Variants in TCF12 observed in about 807,000 individuals in gnomAD.
The protein encoded by TCF12 is DNA-binding protein HTF4.
TCF12 carries 45 observed loss-of-function variants against 86.0 expected under a neutral mutation model. That is an observed-to-expected ratio of 0.52 (90% confidence interval 0.41 to 0.67). TCF12 has a LOEUF of 0.67. TCF12 is among the 30% of genes least tolerant of loss of function. The pLI, the probability that TCF12 is intolerant of heterozygous loss-of-function variation, is 0.00. For synonymous variants in TCF12, 330 were observed against 299.6 expected (o/e 1.10, Z -1.05); for missense variants, 881 against 859.9 (o/e 1.02, Z -0.31).
At position 57,167,154 on chromosome 15, in the gene TCF12, GT is replaced by G. The variant is rs1567551220; in HGVS notation, c.390+692del. Among the ~76,000 whole-genome samples the G allele has an allele frequency of 2.6e-5, 4 of 152,316 alleles. No individual in the cohort carries two copies. The East Asian group carries it at 5.8e-4, about 22-fold the overall frequency. ...ATTTCAGGCATGGGCATGTGAGCCG[GT>G]TTTAACTGCCATGCTAATAATACTC... On this transcript the variant is annotated intron_variant, in intron 6 of 20. Coordinates refer to ENST00000333725, the MANE Select transcript of TCF12 (RefSeq NM_207037.2).
intron 3 of TCF12, among the ~76,000 whole-genome samples, chr15:57,054,276 T>C (rs1466187675): frequency 6.6e-6 from 1 of 152,200 alleles, no homozygotes; most frequent in Non-Finnish European, 1.5e-5. Context: ...TGTTTTTAAA[T>C]AGCAAATTGT....
intron 3 of TCF12, among the ~76,000 whole-genome samples, chr15:57,062,819 A>C (rs964201510): frequency 3.3e-5 from 5 of 152,218 alleles, no homozygotes; most frequent in Admixed American, 3.3e-4. Flanking sequence ...GAATGAAAGA[A>C]AGAAGTCAAC....
Position 57,169,152 on chromosome 15 carries a change from G to T in TCF12, c.390+2686G>T, listed in dbSNP as rs1489335873. Among the ~76,000 whole-genome samples the T allele has an allele frequency of 1.3e-5, 2 of 152,208 alleles. 1 individual carries two copies. The highest frequency in any genetic ancestry group is 4.8e-5 in the African/African-American group (2 of 41,454). On this transcript the variant is annotated intron_variant, in intron 6 of 20. Transcript: ENST00000333725. ...TCCTGTAGGTTTAAGCTTCTAAGCTGTGCAAACTGCCTCTGTGACATATCA... is the reference window on the plus strand; with the variant it reads ...TCCTGTAGGTTTAAGCTTCTAAGCTTTGCAAACTGCCTCTGTGACATATCA...
intron 4 of TCF12, among the ~76,000 whole-genome samples, chr15:57,075,800 T>TCTC (rs1567370475): frequency 2.0e-3 from 40 of 20,484 alleles, no homozygotes; most frequent in Non-Finnish European, 3.0e-3. Context: ...CTTTCTTTCT[T>TCTC]TCTTTCTCTC....
chr15:57,142,618 G>C (rs2053060424), intron 5 of TCF12, among the ~76,000 whole-genome samples: 1 of 152,150 alleles, frequency 6.6e-6, no homozygotes, highest in African/African-American at 2.4e-5. Flanking sequence ...AATGAATAAA[G>C]TTTTGTGAGA....
At chr15:57,150,276 ATATG>A (rs2053647141) in intron 5 of TCF12, among the ~76,000 whole-genome samples, 1 of 152,180 alleles carries the variant, frequency 6.6e-6, no homozygotes, top group Non-Finnish European at 1.5e-5. Flanking sequence ...ACATGCATGT[ATATG>A]CATGAGAGGA....
intron 3 of TCF12, among the ~76,000 whole-genome samples, chr15:56,996,933 A>G (rs2063747758): frequency 6.6e-6 from 1 of 152,358 alleles, no homozygotes; most frequent in East Asian, 1.9e-4. Flanking sequence ...ATACCATTTC[A>G]TACCAGTCAG....
chr15:57,252,512 G>A lies in TCF12; in HGVS notation c.1260+20G>A. On this transcript the variant is annotated intron_variant, in intron 15 of 20. Coordinates refer to ENST00000333725, the MANE Select transcript of TCF12 (RefSeq NM_207037.2). ...TGTGAGGTACTATTTCTTTTAGATG[G>A]TGCCTTTTTTGTGTTTCAATTAATT... 6.2e-7 allele frequency: 1 copy of A among 1,606,302 alleles called. No individual in the cohort carries two copies. The highest frequency in any genetic ancestry group is 8.5e-7 in the Non-Finnish European group (1 of 1,173,566).
rs559791441 is a variant in TCF12 at position 57,223,101 on chromosome 15, T to G, written c.580-8051T>G. 2.0e-5 allele frequency among the ~76,000 whole-genome samples: 3 copies of G among 152,114 alleles called. No homozygotes were observed. In the South Asian group the frequency reaches 6.2e-4, roughly 32 times the overall value. ...GTGGGAGGAACTGTGCTGGGAACTT[T>G]GTTTATCTGATTTAATTTTCACAAC... is the stretch of plus-strand genomic sequence containing the variant. On this transcript the variant is annotated intron_variant, in intron 8 of 20. Coordinates refer to ENST00000333725, the MANE Select transcript of TCF12 (RefSeq NM_207037.2).
At chr15:57,117,147 T>TGCCC (rs2050897147) in intron 5 of TCF12, among the ~76,000 whole-genome samples, 5 of 152,046 alleles carry the variant, frequency 3.3e-5, no homozygotes, top group Admixed American at 3.3e-4. Flanking sequence ...GGTTTTGCTC[T>TGCCC]GCCCACCTCT....
At chr15:57,107,473 G>A (rs1009969717) in intron 5 of TCF12, among the ~76,000 whole-genome samples, 1 of 152,156 alleles carries the variant, frequency 6.6e-6, no homozygotes, top group Admixed American at 6.5e-5. Flanking sequence ...AAACTACTCT[G>A]TATAAAACTT....
At chr15:57,274,385 C>G (rs1229037906) in intron 19 of TCF12, among the ~76,000 whole-genome samples, 2 of 152,152 alleles carry the variant, frequency 1.3e-5, no homozygotes, top group African/African-American at 2.4e-5. Context: ...GTATAATCAA[C>G]CTAATGTTAA....
At chr15:57,265,009 C>T (rs899051120) in intron 18 of TCF12, among the ~76,000 whole-genome samples, 13 of 151,016 alleles carry the variant, frequency 8.6e-5, no homozygotes, top group African/African-American at 1.5e-4. Context: ...GGATTACAAG[C>T]GTGAGCCACC....
chr15:57,253,238 A>G (rs1448429423), intron 15 of TCF12, 24 bp from the exon 16 acceptor site: 3 of 1,608,348 alleles, frequency 1.9e-6, no homozygotes, highest in Non-Finnish European at 2.6e-6. Flanking sequence ...AATAACCACC[A>G]TGTTTTTTTT....
chr15:57,194,099 T>G (rs1358673887), intron 7 of TCF12, among the ~76,000 whole-genome samples: 1 of 152,176 alleles, frequency 6.6e-6, no homozygotes, highest in African/African-American at 2.4e-5. Flanking sequence ...AATACACTAT[T>G]AAGTTCAGGG....
At chr15:57,096,230 A>G (rs1178417703) in intron 5 of TCF12, among the ~76,000 whole-genome samples, 1 of 152,192 alleles carries the variant, frequency 6.6e-6, no homozygotes, top group East Asian at 1.9e-4. Flanking sequence ...TTCAGATTGT[A>G]CTTTGGAATG....
At chr15:57,024,127 A>G (rs1371405364) in intron 3 of TCF12, among the ~76,000 whole-genome samples, 1 of 152,080 alleles carries the variant, frequency 6.6e-6, no homozygotes, top group Non-Finnish European at 1.5e-5. Flanking sequence ...AAGCAAGACA[A>G]ATAACTGTGA....
intron 5 of TCF12, among the ~76,000 whole-genome samples, chr15:57,104,132 A>T (rs2049951300): frequency 6.6e-6 from 1 of 152,220 alleles, no homozygotes; most frequent in South Asian, 2.1e-4. Context: ...AATCTAAAGA[A>T]TATCAAAAAG....
At chr15:57,064,150 G>T (rs2068671190) in intron 4 of TCF12, among the ~76,000 whole-genome samples, 1 of 152,058 alleles carries the variant, frequency 6.6e-6, no homozygotes, top group African/African-American at 2.4e-5. Flanking sequence ...TTGAGAGATG[G>T]CATTGGCTTT....
Sources: allele counts gnomAD v4.1 joint callset (sites outside exome capture counted in the v4.1 genomes callset), GRCh38; gene constraint gnomAD v4.1.1; transcripts MANE v1.5; gene names NCBI Gene and HGNC (gene_info 2026-07-23, HGNC 2026-07-21).